PXDNL: variants seen among roughly 807,000 people sequenced by gnomAD.
The protein encoded by PXDNL is peroxidasin like, also known as probable oxidoreductase PXDNL.
Under a neutral mutation model 150.8 loss-of-function variants are expected in PXDNL, and 145 were observed. The observed-to-expected ratio is 0.96, with a 90% confidence interval of 0.84 to 1.10. The LOEUF is 1.10. Among genes scored for constraint, PXDNL ranks in the 50% least tolerant of loss-of-function variants. The pLI, the probability that PXDNL is intolerant of heterozygous loss-of-function variation, is 0.00. For synonymous variants in PXDNL, 757 were observed against 725.7 expected (o/e 1.04, Z -0.69); for missense variants, 2,087 against 1,873.9 (o/e 1.11, Z -2.10).
chr8:51,763,116 C>T (rs28652885), intron 1 of PXDNL, among the ~76,000 whole-genome samples: 21,141 of 151,970 alleles, frequency 0.14, 2,677 homozygotes, highest in African/African-American at 0.32. Context: ...ATACCCAGCC[C>T]CAGAAAATCA....
chr8:51,388,356 T>C (rs1293924990), intron 17 of PXDNL, among the ~76,000 whole-genome samples: 1 of 152,178 alleles, frequency 6.6e-6, no homozygotes, highest in East Asian at 1.9e-4. Flanking sequence ...TTAATCAGTC[T>C]TTTTTTCAAC....
At chr8:51,732,028 A>C (rs1178364397) in intron 1 of PXDNL, among the ~76,000 whole-genome samples, 1 of 152,220 alleles carries the variant, frequency 6.6e-6, no homozygotes, top group Non-Finnish European at 1.5e-5. Flanking sequence ...AAATTTCTGC[A>C]GCCAGCTTGA....
intron 4 of PXDNL, among the ~76,000 whole-genome samples, chr8:51,500,050 T>A (rs1811150257): frequency 6.6e-6 from 1 of 152,152 alleles, no homozygotes; most frequent in African/African-American, 2.4e-5. Flanking sequence ...CGATGCTAAC[T>A]GGTTGTTGAA....
chr8:51,554,896 T>A lies in PXDNL; in HGVS notation c.380+1944A>T, dbSNP rs188697342. On this transcript the variant is annotated intron_variant, in intron 4 of 22. Transcript: ENST00000356297. ...TTTTGAGCCCTCGCCAGAACTGCCCTTAATGATCTGTTCATGGCAATACAA... is the reference window on the plus strand; with the variant it reads ...TTTTGAGCCCTCGCCAGAACTGCCCATAATGATCTGTTCATGGCAATACAA... 1.5e-4 allele frequency among the ~76,000 whole-genome samples: 23 copies of A among 152,314 alleles called. 1 individual carries two copies. The highest frequency in any genetic ancestry group is 6.5e-4 in the Admixed American group (10 of 15,296).
intron 19 of PXDNL, among the ~76,000 whole-genome samples, chr8:51,351,703 T>C (rs553689178): frequency 1.3e-5 from 2 of 152,182 alleles, no homozygotes; most frequent in African/African-American, 4.8e-5. Flanking sequence ...CTCATGAGGC[T>C]CCAATCTGTT....
intron 12 of PXDNL, chr8:51,435,667 C>CG (rs1420901551): frequency 9.0e-6 from 2 of 222,072 alleles, no homozygotes; most frequent in Non-Finnish European, 1.9e-5. Flanking sequence ...CAGAAAGAAG[C>CG]GAAAAAGAGG....
At chr8:51,529,000 T>C (rs1317900407) in intron 4 of PXDNL, among the ~76,000 whole-genome samples, 2 of 152,212 alleles carry the variant, frequency 1.3e-5, no homozygotes, top group Non-Finnish European at 2.9e-5. Context: ...TAAGATGCTA[T>C]GGTTGTGGTG....
chr8:51,364,307 G>C (rs772682807), intron 19 of PXDNL, among the ~76,000 whole-genome samples: 2 of 152,032 alleles, frequency 1.3e-5, no homozygotes, highest in Non-Finnish European at 2.9e-5. Flanking sequence ...CTTGAACCTT[G>C]GGTTCATGAC....
chr8:51,393,032 T>A (rs1428352148), intron 17 of PXDNL, among the ~76,000 whole-genome samples: 1 of 152,234 alleles, frequency 6.6e-6, no homozygotes, highest in East Asian at 1.9e-4. Flanking sequence ...TGAATTTTAC[T>A]TAATTTAAAG....
intron 3 of PXDNL, among the ~76,000 whole-genome samples, chr8:51,592,416 G>A (rs529495960): frequency 3.2e-4 from 48 of 152,234 alleles, no homozygotes; most frequent in African/African-American, 1.1e-3. Context: ...GGAGAAATGT[G>A]CATAAATATT....
chr8:51,580,230 C>G (rs1459749976), intron 3 of PXDNL, among the ~76,000 whole-genome samples: 1 of 151,948 alleles, frequency 6.6e-6, no homozygotes, highest in Admixed American at 6.6e-5. Context: ...TGTTCTTTAT[C>G]TTGACTGTAT....
At chr8:51,421,775 T>A (rs531526482) in intron 14 of PXDNL, among the ~76,000 whole-genome samples, 7 of 152,244 alleles carry the variant, frequency 4.6e-5, no homozygotes, top group Non-Finnish European at 8.8e-5. Flanking sequence ...AACTACATTG[T>A]TAAAATTTTA....
At chr8:51,325,295 G>C (rs1805448669) in intron 21 of PXDNL, among the ~76,000 whole-genome samples, 1 of 152,210 alleles carries the variant, frequency 6.6e-6, no homozygotes, top group Non-Finnish European at 1.5e-5. Context: ...GAAACCTGGA[G>C]GTTTTGGATC....
intron 1 of PXDNL, among the ~76,000 whole-genome samples, chr8:51,731,590 C>A (rs1816932714): frequency 6.6e-6 from 1 of 152,232 alleles, no homozygotes; most frequent in South Asian, 2.1e-4. Flanking sequence ...TGGGGGTTCC[C>A]ATTCCACATT....
At chr8:51,320,922 A>G (rs771582296) in intron 21 of PXDNL, 25 bp from the exon 22 acceptor site, 1 of 1,563,588 alleles carries the variant, frequency 6.4e-7, no homozygotes. Flanking sequence ...AAAGGAAAGA[A>G]GAGTGGAAAT....
At position 51,711,188 on chromosome 8, in the gene PXDNL, G is replaced by A. The variant is rs28736847; in HGVS notation, c.165-56428C>T. Among the ~76,000 whole-genome samples the A allele has an allele frequency of 9.4e-3, 1,425 of 151,976 alleles. 18 individuals are homozygous for A. Among genetic ancestry groups the A allele is most frequent in the African/African-American group, 0.028 (1,160 of 41,424 alleles). On this transcript the variant is annotated intron_variant, in intron 1 of 22. Coordinates refer to ENST00000356297, the MANE Select transcript of PXDNL (RefSeq NM_144651.5). The stretch of plus-strand genomic sequence containing the variant: ...TAGAGTCTTGCTCTGTCACCCAGGC[G>A]GGAGTGCAATGGTGCAATCTTGGCT...
intron 3 of PXDNL, among the ~76,000 whole-genome samples, chr8:51,559,330 ACCCCCCCCC>A (rs59230172): frequency 1.1e-4 from 11 of 98,066 alleles, no homozygotes; most frequent in Non-Finnish European, 1.9e-4. Context: ...TTTCTTCCAA[ACCCCCCCCC>A]CCCCCGCCAC....
intron 1 of PXDNL, among the ~76,000 whole-genome samples, chr8:51,734,017 C>A (rs560876742): frequency 6.6e-6 from 1 of 151,942 alleles, no homozygotes; most frequent in East Asian, 1.9e-4. Context: ...CTCTAGACAT[C>A]ATTGACTTAG....
chr8:51,557,881 A>G (rs1430896869), intron 3 of PXDNL, among the ~76,000 whole-genome samples: 1 of 152,138 alleles, frequency 6.6e-6, no homozygotes, highest in Non-Finnish European at 1.5e-5. Context: ...GTTCCAAACC[A>G]GTTTCTTTTC....
Sources: allele counts gnomAD v4.1 joint callset (sites outside exome capture counted in the v4.1 genomes callset), GRCh38; gene constraint gnomAD v4.1.1; transcripts MANE v1.5; gene names NCBI Gene and HGNC (gene_info 2026-07-23, HGNC 2026-07-21).